RTN4: variants seen among roughly 807,000 people sequenced by gnomAD.
RTN4 encodes reticulon 4, also known as reticulon-4.
In RTN4, 32 loss-of-function variants were observed where a neutral mutation model predicts 90.4. The observed-to-expected ratio is 0.35, with a 90% CI of 0.27 to 0.48. The LOEUF (loss-of-function observed/expected upper bound fraction) is 0.48. RTN4 is among the 20% of genes least tolerant of loss of function. RTN4 has a pLI of 0.99. For missense variants in RTN4, 1,706 were observed against 1,430.2 expected (o/e 1.19, Z -3.11); for synonymous variants, 629 against 552.5 (o/e 1.14, Z -1.94).
chr2:55,053,907 C>A (rs56050833), upstream of RTN4, among the ~76,000 whole-genome samples: 2,706 of 151,974 alleles, frequency 0.018, 90 homozygotes, highest in African/African-American at 0.062. Flanking sequence ...TAAGCAAGAG[C>A]TAAATAAAGT....
At chr2:54,989,107 G>A (rs1431937862) in intron 3 of RTN4, among the ~76,000 whole-genome samples, 8 of 152,116 alleles carry the variant, frequency 5.3e-5, no homozygotes, top group Non-Finnish European at 2.9e-5. Flanking sequence ...TGCTCTTAAG[G>A]GTACTTCTGT....
At chr2:55,009,653 G>A (rs1215623501) in intron 3 of RTN4, among the ~76,000 whole-genome samples, 3 of 152,194 alleles carry the variant, frequency 2.0e-5, no homozygotes, top group Non-Finnish European at 4.4e-5. Context: ...GAGGCTTACT[G>A]CAAACACAAT....
Position 55,026,732 on chromosome 2 carries a change from T to C in RTN4, c.1367A>G (p.Asp456Gly). The C allele has an allele frequency of 6.2e-7, 1 of 1,613,924 alleles. No homozygotes were observed. The highest frequency in any genetic ancestry group is 8.5e-7 in the Non-Finnish European group (1 of 1,179,884). Residue 456 changes from aspartate (D) to glycine (G), a missense_variant, in exon 3 of 9, where the codon GAT (aspartate) becomes GGT (glycine). Asp to Gly is a moderately conservative substitution (Grantham distance 94). Coordinates refer to ENST00000337526, the MANE Select transcript of RTN4 (RefSeq NM_020532.5). ...SFPSTPEGIK[D>G]RSGAYITCAP... ...ACATGTGATATATGCTCCTGAACGA[T>C]CCTTTATACCTTCTGGCGTACTGGG... is the stretch of plus-strand genomic sequence containing the variant.
In RTN4 at chr2:55,025,618, T is replaced by G; in HGVS notation, c.2481A>C (p.Lys827Asn). ...TGAGCTCCTCCATCTGCAAAGGAAT[T>G]TTCTCCTTTTTGCTCAATGTTGAAA... ...DEVSTLSKKE[K>N]IPLQMEELST... The change falls in exon 3 of 9, where the codon AAA becomes AAC. Residue 827 changes from lysine (K) to asparagine (N), a missense_variant. Lys to Asn is a moderately conservative substitution (Grantham distance 94). Transcript: ENST00000337526. 1.2e-6 allele frequency: 2 copies of G among 1,613,562 alleles called. No homozygotes were observed. The highest frequency in any genetic ancestry group is 1.7e-6 in the Non-Finnish European group (2 of 1,179,786).
At chr2:55,123,669 T>C in the RTN4 span, among the ~76,000 whole-genome samples, 6 of 152,126 alleles carry the variant, frequency 3.9e-5, no homozygotes, top group South Asian at 8.3e-4. Context: ...TATTATATTA[T>C]ACCATATGAC....
chr2:55,040,416 C>G (rs1682992180), intron 1 of RTN4, among the ~76,000 whole-genome samples: 1 of 151,880 alleles, frequency 6.6e-6, no homozygotes, highest in South Asian at 2.1e-4. Flanking sequence ...AGATCAAAAC[C>G]TCTAGTAGCT....
intron 3 of RTN4, among the ~76,000 whole-genome samples, chr2:54,995,177 T>A (rs1263958227): frequency 6.6e-6 from 1 of 151,368 alleles, no homozygotes; most frequent in Non-Finnish European, 1.5e-5. Context: ...GAGGCGGAGG[T>A]TGCAGCAAGC....
chr2:54,998,666 T>C lies in RTN4; in HGVS notation c.3014-10968A>G, dbSNP rs561510841. ...CTTTCATCTTTATATTCCCATTACC[T>C]ACATCATTAATGCTTGCTGCACTGT... is the stretch of plus-strand genomic sequence containing the variant. On this transcript the variant is annotated intron_variant, in intron 3 of 8. Transcript: ENST00000337526. Among the ~76,000 whole-genome samples the C allele has an allele frequency of 3.9e-5, 6 of 152,298 alleles. No individual in the cohort carries two copies. The East Asian group carries it at 1.2e-3, about 29-fold the overall frequency.
intron 1 of RTN4, among the ~76,000 whole-genome samples, chr2:55,046,595 C>T (rs1667749282): frequency 6.6e-6 from 1 of 152,224 alleles, no homozygotes; most frequent in Non-Finnish European, 1.5e-5. Flanking sequence ...CACCACTATT[C>T]TGGGTTCTTT....
rs141959818 is a variant in RTN4 at position 54,999,753 on chromosome 2, G to A, written c.3014-12055C>T. ...TAATCAAATTCTTCCCAAATGCCAG[G>A]AAAAGTAATTAGAATTCAGAATTGA... is the stretch of plus-strand genomic sequence containing the variant. On this transcript the variant is annotated intron_variant, in intron 3 of 8. Transcript: ENST00000337526. Among the ~76,000 whole-genome samples, 125 of 152,048 alleles carry A rather than the reference G, an allele frequency of 8.2e-4. 1 individual carries two copies. Among genetic ancestry groups the A allele is most frequent in the African/African-American group, 2.9e-3 (121 of 41,468 alleles).
chr2:55,109,421 A>C (rs1009424901), intron 1 of RTN4, among the ~76,000 whole-genome samples: 3 of 152,146 alleles, frequency 2.0e-5, no homozygotes, highest in Non-Finnish European at 1.5e-5. Context: ...ACAAAAGCAA[A>C]TACCTCATAC....
intron 1 of RTN4, among the ~76,000 whole-genome samples, chr2:55,028,666 A>G (rs1682086403): frequency 6.6e-6 from 1 of 152,236 alleles, no homozygotes; most frequent in Non-Finnish European, 1.5e-5. Flanking sequence ...TATTCAATTT[A>G]AAGAAACACT....
intron 3 of RTN4, among the ~76,000 whole-genome samples, chr2:55,004,581 T>C (rs1275909660): frequency 6.6e-6 from 1 of 152,172 alleles, no homozygotes; most frequent in Non-Finnish European, 1.5e-5. Flanking sequence ...GGGGGAATCC[T>C]TTTTCTAATT....
At chr2:54,983,819 T>C (rs990037449) in intron 4 of RTN4, among the ~76,000 whole-genome samples, 1 of 152,214 alleles carries the variant, frequency 6.6e-6, no homozygotes, top group Non-Finnish European at 1.5e-5. Flanking sequence ...TACCTAGCTA[T>C]ACAACATTGC....
intron 3 of RTN4, among the ~76,000 whole-genome samples, chr2:55,006,270 T>C (rs891805456): frequency 3.9e-5 from 6 of 152,154 alleles, no homozygotes; most frequent in African/African-American, 1.4e-4. Context: ...AAAATGTATC[T>C]AATGAATGCC....
At position 55,027,108 on chromosome 2, in the gene RTN4, C is replaced by T. The variant is rs747887952; in HGVS notation, c.991G>A (p.Glu331Lys). 3.1e-6 allele frequency: 5 copies of T among 1,613,308 alleles called. No individual in the cohort carries two copies. The highest frequency in any genetic ancestry group is 3.4e-6 in the Non-Finnish European group (4 of 1,179,722). ...ATGTTATTACTAACTAACTTCTCTT[C>T]TTCATCTTTATTTTTCACGATTATT... ...EEIIVKNKDEEEKLVSNNILH... is the reference protein window; with the variant it reads ...EEIIVKNKDEKEKLVSNNILH... Residue 331 changes from glutamate to lysine, a missense_variant, in exon 3 of 9, where the codon GAA becomes AAA. Physicochemically the swap from Glu to Lys is moderately conservative, Grantham distance 56. Coordinates refer to ENST00000337526, the MANE Select transcript of RTN4 (RefSeq NM_020532.5).
intron 1 of RTN4, among the ~76,000 whole-genome samples, chr2:55,093,870 G>C (rs1301487674): frequency 6.6e-6 from 1 of 152,114 alleles, no homozygotes; most frequent in Non-Finnish European, 1.5e-5. Flanking sequence ...TTTTCTAAGG[G>C]AAATAGAATT....
rs1011396805 is a variant in RTN4, at chr2:55,025,496, A to G, written c.2603T>C (p.Ile868Thr). ...ACTGATCAATGTAGGGAACTCATCT[A>G]TAATTTCAATTGGAGATGAATCTGA... Reference protein sequence around the residue: ...TFSDSSPIEIIDEFPTLISSK... With the variant: ...TFSDSSPIEITDEFPTLISSK... Residue 868 changes from isoleucine (I) to threonine (T), a missense_variant, in exon 3 of 9, where the codon ATA becomes ACA. Coordinates refer to ENST00000337526, the MANE Select transcript of RTN4 (RefSeq NM_020532.5). The G allele has an allele frequency of 1.2e-6, 2 of 1,613,508 alleles. No individual in the cohort carries two copies. Among genetic ancestry groups the G allele is most frequent in the African/African-American group, 1.3e-5 (1 of 75,026 alleles).
At chr2:55,032,239 C>G (rs891153882) in intron 1 of RTN4, among the ~76,000 whole-genome samples, 1 of 152,022 alleles carries the variant, frequency 6.6e-6, no homozygotes, top group Admixed American at 6.6e-5. Flanking sequence ...GCCATCACAC[C>G]AAGCTAATTT....
Sources: gnomAD v4.1 joint callset for allele counts (sites outside exome capture counted in the v4.1 genomes callset) on GRCh38, gnomAD v4.1.1 for gene constraint, MANE v1.5 for transcripts, NCBI Gene and HGNC (gene_info 2026-07-23, HGNC 2026-07-21) for gene names.